PCDHGB6: variants seen among roughly 807,000 people sequenced by gnomAD.
PCDHGB6 encodes the protein protocadherin gamma subfamily B, 6.
Under a neutral mutation model 59.1 loss-of-function variants are expected in PCDHGB6, and 51 were observed. The ratio of observed to expected loss-of-function variants is 0.86; its 90% CI spans 0.69 to 1.09. PCDHGB6 has a LOEUF of 1.09. Ranked by LOEUF, PCDHGB6 falls within the 50% of genes least tolerant of loss-of-function variation. The probability of loss-of-function intolerance (pLI) is 0.00; values close to 1 mark genes in which losing one functional copy is unlikely to be tolerated. For synonymous variants in PCDHGB6, 466 were observed against 495.1 expected (o/e 0.94, Z 0.78); for missense variants, 1,148 against 1,205.1 (o/e 0.95, Z 0.70).
At chr5:141,471,309 C>T (rs140651182) in intron 1 of PCDHGB6, 8,212 of 152,202 alleles carry the variant, frequency 0.054, 462 homozygotes, top group African/African-American at 0.15. Flanking sequence ...ACTCGGCCTC[C>T]CAAAGTGCTG....
chr5:141,510,323 C>A (rs1173679711), intron 3 of PCDHGB6, among the ~76,000 whole-genome samples: 1 of 151,234 alleles, frequency 6.6e-6, no homozygotes, highest in East Asian at 2.0e-4. Flanking sequence ...TGGAAGAGCA[C>A]TCTTCACCCC....
intron 1 of PCDHGB6, among the ~76,000 whole-genome samples, chr5:141,456,668 T>G (rs2098874996): frequency 1.3e-5 from 2 of 152,254 alleles, no homozygotes; most frequent in Admixed American, 6.5e-5. Context: ...ATGTTTCATT[T>G]AAAAATGCAT....
Position 141,430,800 on chromosome 5 carries a change from T to C in PCDHGB6, c.2418+20180T>C, listed in dbSNP as rs770490590. 2.6e-6 allele frequency: 4 copies of C among 1,524,818 alleles called. No homozygotes were observed. In the South Asian group the frequency reaches 5.3e-5, roughly 20 times the overall value. 94.5% of individuals were successfully genotyped at this position (1,524,818 alleles called of 1,614,324 possible). A position where few individuals can be genotyped will look rare whatever the true frequency, so the allele number is the denominator to read the frequency against. ...CTGCACCGGGACTACAAAGGGCTTG[T>C]CCTGCTGGGAATCCTCCTGGGGACT... is the stretch of plus-strand genomic sequence containing the variant. On this transcript the variant is annotated intron_variant, in intron 1 of 3. Transcript: ENST00000520790.
chr5:141,412,301 T>C (rs925243467), intron 1 of PCDHGB6: 3 of 152,260 alleles, frequency 2.0e-5, no homozygotes, highest in Non-Finnish European at 2.9e-5. Context: ...TCTTTTCTCA[T>C]TACAATGCAA....
intron 2 of PCDHGB6, among the ~76,000 whole-genome samples, chr5:141,504,572 A>G (rs184273457): frequency 6.7e-6 from 1 of 148,962 alleles, no homozygotes; most frequent in Admixed American, 6.9e-5. Flanking sequence ...TCTAGGGAAC[A>G]CCATCTGCCC....
Position 141,422,444 on chromosome 5 carries a change from T to TA in PCDHGB6, c.2418+11826dup, listed in dbSNP as rs1171104340. 1.9e-6 allele frequency: 3 copies of TA among 1,610,490 alleles called. No homozygotes were observed. The Admixed American group carries it at 5.1e-5, about 27-fold the overall frequency. ...ACTTATGGAAATTATTACAAATTGA[T>TA]AACAAGCAGAGTGCTGGACAGGGAG... On this transcript the variant is annotated intron_variant, in intron 1 of 3. Coordinates refer to ENST00000520790, the MANE Select transcript of PCDHGB6 (RefSeq NM_018926.3).
chr5:141,419,756 G>C (rs1006926516), intron 1 of PCDHGB6: 10 of 1,613,890 alleles, frequency 6.2e-6, no homozygotes, highest in Admixed American at 1.7e-5. Flanking sequence ...GCGTGCTTTG[G>C]GTGACAAGGA....
intron 1 of PCDHGB6, among the ~76,000 whole-genome samples, chr5:141,451,001 A>AT (rs1164946963): frequency 2.0e-5 from 3 of 148,376 alleles, no homozygotes; most frequent in South Asian, 2.1e-4. Context: ...ATTTTTTTGT[A>AT]TTTTTTTTAG....
chr5:141,468,749 C>G (rs1237051053), intron 1 of PCDHGB6, among the ~76,000 whole-genome samples: 1 of 151,962 alleles, frequency 6.6e-6, no homozygotes, highest in Non-Finnish European at 1.5e-5. Context: ...GCCTGTAGTC[C>G]CAGCTACTCG....
At chr5:141,439,531 G>A (rs1474855779) in intron 1 of PCDHGB6, among the ~76,000 whole-genome samples, 5 of 152,126 alleles carry the variant, frequency 3.3e-5, no homozygotes, top group Admixed American at 3.3e-4. Flanking sequence ...TCTACAGAAC[G>A]CTGTCCTCTC....
At chr5:141,456,647 C>G (rs773458307) in intron 1 of PCDHGB6, among the ~76,000 whole-genome samples, 2 of 152,152 alleles carry the variant, frequency 1.3e-5, no homozygotes, top group African/African-American at 4.8e-5. Context: ...AGGTGTTAAT[C>G]CCAAAGAAGC....
Position 141,476,144 on chromosome 5 carries a change from C to T in PCDHGB6, c.2419-18663C>T. ...GGTCCCAGAGGCCTGGAGGAGCGGA[C>T]TGGTAAGCACCGGGAGGGTAGTGGG... is the stretch of plus-strand genomic sequence containing the variant. On this transcript the variant is annotated intron_variant, in intron 1 of 3. Transcript: ENST00000520790. This position sits in a 1 kb window ranked among gnomAD's most constrained non-coding sequence, Gnocchi z 7.6. 6.2e-7 allele frequency: 1 copy of T among 1,610,510 alleles called. No individual in the cohort carries two copies. The highest frequency in any genetic ancestry group is 1.3e-5 in the African/African-American group (1 of 75,014).
intron 1 of PCDHGB6, chr5:141,414,054 G>T: frequency 6.2e-7 from 1 of 1,610,250 alleles, no homozygotes; most frequent in South Asian, 1.1e-5. Context: ...ACACGCAATT[G>T]TTGAAGTTCC....
chr5:141,472,750 C>T (rs967243815), intron 1 of PCDHGB6, among the ~76,000 whole-genome samples: 3 of 151,882 alleles, frequency 2.0e-5, no homozygotes, highest in Non-Finnish European at 2.9e-5. Context: ...CTTTGGGAGG[C>T]GGAGGCTGGC....
In PCDHGB6 at chr5:141,445,206, A is replaced by G. The variant is rs1244524491; in HGVS notation, c.2418+34586A>G. On this transcript the variant is annotated intron_variant, in intron 1 of 3. Transcript: ENST00000520790. ...TTTTTATGTATTCTATATGCTTTTGAAAAGTAAGAGGTGCAAAGTGCTCTA... is the reference window on the plus strand; with the variant it reads ...TTTTTATGTATTCTATATGCTTTTGGAAAGTAAGAGGTGCAAAGTGCTCTA... 3.3e-5 allele frequency among the ~76,000 whole-genome samples: 5 copies of G among 152,182 alleles called. No individual in the cohort carries two copies. The East Asian group carries it at 7.7e-4, about 23-fold the overall frequency.
chr5:141,414,351 G>A (rs771256149), intron 1 of PCDHGB6: 16 of 1,613,676 alleles, frequency 9.9e-6, no homozygotes, highest in South Asian at 6.6e-5. Flanking sequence ...CCATTTTGGC[G>A]TATCTACCAT....
intron 1 of PCDHGB6, among the ~76,000 whole-genome samples, chr5:141,472,611 G>T (rs1055885253): frequency 1.3e-5 from 2 of 151,938 alleles, no homozygotes; most frequent in South Asian, 4.1e-4. Context: ...ATAAAACAAA[G>T]AAGAAAAAAG....
intron 1 of PCDHGB6, among the ~76,000 whole-genome samples, 184 bp from the exon 2 acceptor site, chr5:141,494,623 C>A (rs2099755716): frequency 6.6e-6 from 1 of 152,146 alleles, no homozygotes; most frequent in Non-Finnish European, 1.5e-5. Flanking sequence ...GTTTCTGGTA[C>A]CTCAGACCTC....
chr5:141,468,226 G>T (rs967204965), intron 1 of PCDHGB6, among the ~76,000 whole-genome samples: 2 of 151,038 alleles, frequency 1.3e-5, no homozygotes, highest in Admixed American at 1.3e-4. Flanking sequence ...TTGGGAGGAT[G>T]AGGTAGGAGA....
Sources: gnomAD v4.1 joint callset for allele counts (sites outside exome capture counted in the v4.1 genomes callset) on GRCh38, gnomAD v4.1.1 for gene constraint, Gnocchi (gnomAD v3.1) non-coding constraint, MANE v1.5 for transcripts, NCBI Gene and HGNC (gene_info 2026-07-23, HGNC 2026-07-21) for gene names.